Variants in AGO2 observed in about 807,000 individuals in gnomAD.
AGO2 encodes protein argonaute-2.
Under a neutral mutation model 102.3 loss-of-function variants are expected in AGO2, and 5 were observed. The ratio of observed to expected loss-of-function variants is 0.05; its 90% CI spans 0.03 to 0.10. The LOEUF is 0.10. AGO2 is among the 10% of genes least tolerant of loss of function. The pLI is 1.00. For missense variants in AGO2, 541 were observed against 1,183.7 expected, an observed-to-expected ratio of 0.46 and a Z score of 7.97; for synonymous variants, 449 against 473.1, an observed-to-expected ratio of 0.95 and a Z score of 0.66.
At chr8:140,564,496 G>A (rs1431844240) in intron 3 of AGO2, among the ~76,000 whole-genome samples, 1 of 152,216 alleles carries the variant, frequency 6.6e-6, no homozygotes, top group African/African-American at 2.4e-5. Context: ...TGTTACCCCT[G>A]AGATAGCAAG....
chr8:140,595,759 ATAC>A (rs2073819491), intron 1 of AGO2, among the ~76,000 whole-genome samples: 2 of 49,968 alleles, frequency 4.0e-5, no homozygotes, highest in Non-Finnish European at 1.1e-4. Context: ...ATAATTGTAT[ATAC>A]AATTATATTA....
At chr8:140,634,949 C>T (rs1196778737) in intron 1 of AGO2, among the ~76,000 whole-genome samples, 3 of 152,014 alleles carry the variant, frequency 2.0e-5, no homozygotes, top group South Asian at 2.1e-4. Context: ...CGGCTGGGGT[C>T]GGGACCGGCG....
At chr8:140,604,253 C>T (rs2073966020) in intron 1 of AGO2, among the ~76,000 whole-genome samples, 1 of 152,228 alleles carries the variant, frequency 6.6e-6, no homozygotes, top group South Asian at 2.1e-4. Context: ...AAGCACCACG[C>T]TGGTCTCTGC....
intron 1 of AGO2, 46 bp downstream of exon 1, chr8:140,635,439 G>T: frequency 1.0e-6 from 1 of 979,774 alleles, no homozygotes; most frequent in South Asian, 4.6e-5. Flanking sequence ...ACCACGGGCA[G>T]GAGCGCGCGA....
chr8:140,620,437 T>C (rs1275465904), intron 1 of AGO2, among the ~76,000 whole-genome samples: 1 of 152,188 alleles, frequency 6.6e-6, no homozygotes, highest in Non-Finnish European at 1.5e-5. Flanking sequence ...ATGAATGAAA[T>C]GATATGACTC....
intron 2 of AGO2, among the ~76,000 whole-genome samples, chr8:140,575,451 C>G (rs1262662673): frequency 1.3e-5 from 2 of 152,196 alleles, no homozygotes; most frequent in East Asian, 1.9e-4. Flanking sequence ...CAAAGGGTCC[C>G]CAACCTTCGG....
At chr8:140,568,304 A>C (rs1588465423) in intron 3 of AGO2, among the ~76,000 whole-genome samples, 1 of 149,008 alleles carries the variant, frequency 6.7e-6, no homozygotes, top group Non-Finnish European at 1.5e-5. Context: ...AAAAAAAGAG[A>C]GAGCACAAAG....
chr8:140,626,928 C>T (rs2074285899), intron 1 of AGO2: 1 of 152,276 alleles, frequency 6.6e-6, no homozygotes, highest in Non-Finnish European at 1.5e-5. Context: ...CCTCCCTGGG[C>T]TTCTCATTCC....
rs937114805 is a variant in AGO2, at chr8:140,521,652, C to T, written c.*10392G>A. 1 of 152,236 alleles carries T rather than the reference C, an allele frequency of 6.6e-6. No individual in the cohort carries two copies. The highest frequency in any genetic ancestry group is 2.4e-5 in the African/African-American group (1 of 41,456). 9.4% of individuals were successfully genotyped at this position (152,236 alleles called of 1,614,324 possible). A position where few individuals can be genotyped will look rare whatever the true frequency, so the allele number is the denominator to read the frequency against. ...CTCATTTTCTTACCTGTCAGAAAGC[C>T]TTCCTAACTTACAGGCACACAGGGC... On this transcript the variant is annotated 3_prime_UTR_variant, in exon 19 of 19. Coordinates refer to ENST00000220592, the MANE Select transcript of AGO2 (RefSeq NM_012154.5).
intron 1 of AGO2, among the ~76,000 whole-genome samples, chr8:140,635,087 C>G (rs1177704020): frequency 2.7e-5 from 4 of 147,854 alleles, no homozygotes; most frequent in Admixed American, 6.7e-5. Context: ...GGCAGCGAGG[C>G]CGGGCCAAGC....
intron 8 of AGO2, 73 bp from the exon 9 acceptor site, chr8:140,556,359 G>A: frequency 3.2e-6 from 5 of 1,582,384 alleles, no homozygotes; most frequent in Non-Finnish European, 4.3e-6. Context: ...GGGGGCTCAG[G>A]GGCTGGTGGC....
intron 1 of AGO2, among the ~76,000 whole-genome samples, chr8:140,634,685 A>ACCTCG (rs2074380984): frequency 6.6e-6 from 1 of 152,186 alleles, no homozygotes. Flanking sequence ...ACAGGAATCC[A>ACCTCG]CCTCGCCTCA....
rs1588446207 is a variant in AGO2 at position 140,548,639 on chromosome 8, C to G, written c.1588+475G>C. Among the ~76,000 whole-genome samples, 5 of 152,324 alleles carry G rather than the reference C, an allele frequency of 3.3e-5. No homozygotes were observed. In the South Asian group the frequency reaches 1.0e-3, roughly 32 times the overall value. ...TGAACTGAGAGAAGTGTGGTTTTTA[C>G]ATGTCAATAATCTGTCTGTGGCTCA... is the stretch of plus-strand genomic sequence containing the variant. On this transcript the variant is annotated intron_variant, in intron 12 of 18. Coordinates refer to ENST00000220592, the MANE Select transcript of AGO2 (RefSeq NM_012154.5).
rs567712956 is a variant in AGO2 at position 140,539,883 on chromosome 8, T to C, written c.2035-429A>G. Among the ~76,000 whole-genome samples the C allele has an allele frequency of 1.5e-4, 23 of 152,128 alleles. No individual in the cohort carries two copies. Among genetic ancestry groups the C allele is most frequent in the Admixed American group, 5.9e-4 (9 of 15,288 alleles). On this transcript the variant is annotated intron_variant, in intron 15 of 18. Coordinates refer to ENST00000220592, the MANE Select transcript of AGO2 (RefSeq NM_012154.5). The surrounding 1 kb of genome is among the most constrained non-coding windows in gnomAD (Gnocchi z 4.7). ...TTGGGCGGATCACAAGATCAAGAGATCGAGATCATCCTGGCCAACATGGTG... is the reference window on the plus strand; with the variant it reads ...TTGGGCGGATCACAAGATCAAGAGACCGAGATCATCCTGGCCAACATGGTG...
intron 13 of AGO2, among the ~76,000 whole-genome samples, chr8:140,544,570 G>T (rs2072862463): frequency 1.1e-5 from 1 of 92,520 alleles, no homozygotes; most frequent in Non-Finnish European, 2.0e-5. Context: ...TGTTGAGGCT[G>T]GGGCTCAGGC....
chr8:140,555,290 C>G (rs2073075706), intron 10 of AGO2: 1 of 152,310 alleles, frequency 6.6e-6, no homozygotes, highest in African/African-American at 2.4e-5. Context: ...CCCTGGAGGG[C>G]TCAGTGTTCA....
At chr8:140,638,671 C>T (rs2074424686), upstream of AGO2, among the ~76,000 whole-genome samples, 1 of 152,172 alleles carries the variant, frequency 6.6e-6, no homozygotes, top group Non-Finnish European at 1.5e-5. Context: ...ACTTCCCAGG[C>T]TCAAGTGATC....
chr8:140,543,140 A>G (rs1182259506), intron 14 of AGO2, among the ~76,000 whole-genome samples: 3 of 151,248 alleles, frequency 2.0e-5, no homozygotes, highest in Admixed American at 2.0e-4. Flanking sequence ...CTCACAAAAC[A>G]AAACAAAACA....
At chr8:140,570,041 AT>A (rs1418116635) in intron 3 of AGO2, among the ~76,000 whole-genome samples, 2 of 152,244 alleles carry the variant, frequency 1.3e-5, no homozygotes, top group Non-Finnish European at 2.9e-5. Flanking sequence ...ATGCGAGAAG[AT>A]GGACATGGGA....
Sources: allele counts gnomAD v4.1 joint callset (sites outside exome capture counted in the v4.1 genomes callset), GRCh38; gene constraint gnomAD v4.1.1; non-coding constraint Gnocchi (gnomAD v3.1); transcripts MANE v1.5; gene names NCBI Gene and HGNC (gene_info 2026-07-23, HGNC 2026-07-21).